The following DGKQ variants were observed in gnomAD, a reference collection of about 807,000 sequenced individuals.
DGKQ encodes DAG kinase theta.
In DGKQ, 97 loss-of-function variants were observed where a neutral mutation model predicts 104.2. The ratio of observed to expected loss-of-function variants is 0.93; its 90% CI spans 0.79 to 1.10. The LOEUF (loss-of-function observed/expected upper bound fraction) is 1.10. Ranked by LOEUF, DGKQ falls within the 50% of genes least tolerant of loss-of-function variation. The pLI is 0.00. For missense variants in DGKQ, 1,465 were observed against 1,352.1 expected (o/e 1.08, Z -1.31); for synonymous variants, 736 against 595.2 (o/e 1.24, Z -3.44).
chr4:968,386 G>C lies in DGKQ; in HGVS notation c.559C>G (p.Arg187Gly). 1 of 1,567,194 alleles carries C rather than the reference G, an allele frequency of 6.4e-7. No individual in the cohort carries two copies. Among genetic ancestry groups the C allele is most frequent in the Admixed American group, 1.9e-5 (1 of 53,664 alleles). ...GCTCCCGAGGGCAGGTTCCCCTCCC[G>C]CCAGTGGTGGTGATGGGTGTCCTGC... The part of the protein sequence containing the change: ...QDHDTHHHHW[R>G]EGNLPSGARC... The change falls in exon 5 of 23, where the codon CGG (arginine) becomes GGG (glycine). Residue 187 changes from arginine to glycine, a missense_variant. Coordinates refer to ENST00000273814, the MANE Select transcript of DGKQ (RefSeq NM_001347.4).
chr4:966,748 C>T lies in DGKQ; in HGVS notation c.1366G>A (p.Val456Ile), dbSNP rs369775685. The change falls in exon 11 of 23, where the codon GTC becomes ATC. Residue 456 changes from valine to isoleucine, a missense_variant and splice_region_variant. Transcript: ENST00000273814. ...CGCCCAGCACGGGCTGTCTACTCAC[C>T]GTGCCTGCAGCCCATCGCCACCTCC... ...LVEVAMGCRHVQRTMLMDEQP... is the reference protein window; with the variant it reads ...LVEVAMGCRHIQRTMLMDEQP... The T allele has an allele frequency of 1.1e-4, 174 of 1,607,010 alleles. 1 individual carries two copies. The South Asian group carries it at 1.3e-3, about 12-fold the overall frequency.
rs1033824017 is a variant in DGKQ at position 968,416 on chromosome 4, C to T, written c.538-9G>A. 6.3e-5 allele frequency: 100 copies of T among 1,582,610 alleles called. No individual in the cohort carries two copies. Among genetic ancestry groups the T allele is most frequent in the Non-Finnish European group, 7.5e-5 (87 of 1,165,440 alleles). ...TGGTGGTGATGGGTGTCCTGCAGAG[C>T]GGGGGCAGTCAGCAGCTGGGCCCGC... On this transcript the variant is annotated splice_polypyrimidine_tract_variant and intron_variant, in intron 4 of 22. Transcript: ENST00000273814.
chr4:962,198 C>A, intron 18 of DGKQ, 116 bp from the exon 19 acceptor site: 1 of 1,012,816 alleles, frequency 9.9e-7, no homozygotes. Flanking sequence ...GGCACCAAGC[C>A]GAGCACCCAG....
Position 971,000 on chromosome 4 carries a change from A to G in DGKQ, c.344T>C (p.Leu115Pro). 6.4e-7 allele frequency: 1 copy of G among 1,551,504 alleles called. No homozygotes were observed. The highest frequency in any genetic ancestry group is 8.7e-7 in the Non-Finnish European group (1 of 1,147,606). Residue 115 changes from leucine (L) to proline (P), a missense_variant, in exon 2 of 23, where the codon CTG becomes CCG. By Grantham distance (98) the Leu-to-Pro change is moderately conservative. Coordinates refer to ENST00000273814, the MANE Select transcript of DGKQ (RefSeq NM_001347.4). ...ACCCAGCCCCACACTCACCCGGACC[A>G]GGCTGGGTGCCACACTCGTGCACGG... is the stretch of plus-strand genomic sequence containing the variant. ...RIPCTSVAPS[L>P]VRVPVAHCFG...
Position 967,141 on chromosome 4 carries a change from G to C in DGKQ, c.1208C>G (p.Pro403Arg). ...GGCCCAGTCTCACTTGAGCCAGCCA[G>C]GGTAGATCTTCAGGACCTCCTGGGC... ...PRAQEVLKIYPGWLKVGVAYV... is the reference protein window; with the variant it reads ...PRAQEVLKIYRGWLKVGVAYV... Residue 403 changes from proline to arginine, a missense_variant, in exon 9 of 23, where the codon CCT (proline) becomes CGT (arginine). Coordinates refer to ENST00000273814, the MANE Select transcript of DGKQ (RefSeq NM_001347.4). 1 of 1,594,424 alleles carries C rather than the reference G, an allele frequency of 6.3e-7. No individual in the cohort carries two copies. The highest frequency in any genetic ancestry group is 1.1e-5 in the South Asian group (1 of 87,760).
rs548721273 is a variant in DGKQ, at chr4:962,041, C to T, written c.2256G>A (p.Ala752=). ...CCTGGTGGAAGTCCAGGCTCAGCTC[C>T]GCGTCGATGCCAATGCCACAGTAGT... ...MSNYCGIGID[A]ELSLDFHQAR... Residue 752 remains alanine, a synonymous_variant, in exon 19 of 23, where the codon GCG becomes GCA. Transcript: ENST00000273814. The T allele has an allele frequency of 1.5e-5, 25 of 1,613,000 alleles. No individual in the cohort carries two copies. Among genetic ancestry groups the T allele is most frequent in the East Asian group, 6.7e-5 (3 of 44,880 alleles).
At chr4:968,151 C>T in intron 5 of DGKQ, 124 bp from the exon 6 acceptor site, 2 of 846,282 alleles carry the variant, frequency 2.4e-6, no homozygotes, top group Non-Finnish European at 3.4e-6. Flanking sequence ...TTCCTGCCGC[C>T]CGCCCCCGAG....
intron 15 of DGKQ, among the ~76,000 whole-genome samples, chr4:964,963 C>T (rs554373498): frequency 2.0e-5 from 3 of 152,248 alleles, no homozygotes; most frequent in East Asian, 3.9e-4. Context: ...GACCCTCTGA[C>T]CTCAGGCCCC....
intron 1 of DGKQ, 151 bp downstream of exon 1, chr4:973,061 C>T (rs1713060634): frequency 1.6e-6 from 2 of 1,263,012 alleles, no homozygotes; most frequent in Non-Finnish European, 2.0e-6. Flanking sequence ...GCGCACAGGC[C>T]CCGGCCGCCC....
At chr4:972,673 G>A (rs1246712285) in intron 1 of DGKQ, among the ~76,000 whole-genome samples, 6 of 150,768 alleles carry the variant, frequency 4.0e-5, no homozygotes, top group African/African-American at 1.2e-4. Context: ...TGCTTGCCGC[G>A]GGGGAAGATG....
At chr4:967,526 A>G (rs964074832) in intron 8 of DGKQ, 23 bp downstream of exon 8, 1 of 1,602,088 alleles carries the variant, frequency 6.2e-7, no homozygotes, top group Non-Finnish European at 8.5e-7. Context: ...GGGGGCTCAG[A>G]CCTCCCCCAG....
rs72501959 is a variant in DGKQ at position 969,283 on chromosome 4, C to T, written c.352-373G>A. Among the ~76,000 whole-genome samples the T allele has an allele frequency of 1.3e-5, 2 of 152,248 alleles. 1 individual carries two copies. The highest frequency in any genetic ancestry group is 4.1e-4 in the South Asian group (2 of 4,826). ...GGGGAGCGAGGCCCGCCTGCCACCC[C>T]TTCCCTCCTTGGGGCAGGCGAGGCT... On this transcript the variant is annotated intron_variant, in intron 2 of 22. Coordinates refer to ENST00000273814, the MANE Select transcript of DGKQ (RefSeq NM_001347.4).
intron 4 of DGKQ, 28 bp from the exon 5 acceptor site, chr4:968,435 G>T: frequency 6.3e-7 from 1 of 1,583,754 alleles, no homozygotes; most frequent in East Asian, 2.3e-5. Flanking sequence ...TCAGCAGCTG[G>T]GCCCGCCCCA....
intron 15 of DGKQ, among the ~76,000 whole-genome samples, chr4:964,893 C>T (rs1258760765): frequency 2.0e-5 from 3 of 152,310 alleles, no homozygotes; most frequent in Middle Eastern, 3.4e-3. Flanking sequence ...GAAGCTGGGC[C>T]TGACCCCACG....
At chr4:965,008 G>A (rs1193037758) in intron 15 of DGKQ, among the ~76,000 whole-genome samples, 168 bp downstream of exon 15, 2 of 152,200 alleles carry the variant, frequency 1.3e-5, no homozygotes, top group East Asian at 3.9e-4. Context: ...CCTTCCTGCT[G>A]TTGTGAGGCA....
intron 2 of DGKQ, among the ~76,000 whole-genome samples, chr4:970,497 C>G (rs569419487): frequency 4.6e-5 from 7 of 152,352 alleles, no homozygotes; most frequent in Admixed American, 4.6e-4. Flanking sequence ...CCTCAGGCAC[C>G]CAGGCTTCCT....
Position 971,325 on chromosome 4 carries a change from T to C in DGKQ, c.272-253A>G, listed in dbSNP as rs1043841116. ...GTGTATCCTCTCATCCAGAGAGCAGTCCCTCCCCTTCGCACGTAGGCCCAG... is the reference window on the plus strand; with the variant it reads ...GTGTATCCTCTCATCCAGAGAGCAGCCCCTCCCCTTCGCACGTAGGCCCAG... On this transcript the variant is annotated intron_variant, in intron 1 of 22. Transcript: ENST00000273814. The surrounding 1 kb of genome is among the most constrained non-coding windows in gnomAD (Gnocchi z 4.0). Among the ~76,000 whole-genome samples the C allele has an allele frequency of 2.0e-5, 3 of 152,090 alleles. No individual in the cohort carries two copies. The highest frequency in any genetic ancestry group is 2.9e-5 in the Non-Finnish European group (2 of 67,998).
At chr4:966,422 G>A (rs775030659) in intron 12 of DGKQ, 44 bp downstream of exon 12, 4 of 1,600,718 alleles carry the variant, frequency 2.5e-6, no homozygotes, top group South Asian at 1.1e-5. Context: ...GGCTGTGGCT[G>A]AGGGCTGCTG....
At chr4:968,944 A>G in intron 2 of DGKQ, 34 bp from the exon 3 acceptor site, 1 of 1,442,812 alleles carries the variant, frequency 6.9e-7, no homozygotes, top group Non-Finnish European at 9.5e-7. Context: ...CACCCTTGGT[A>G]AGGGCAACAG....
Sources: allele counts gnomAD v4.1 joint callset (sites outside exome capture counted in the v4.1 genomes callset), GRCh38; gene constraint gnomAD v4.1.1; non-coding constraint Gnocchi (gnomAD v3.1); transcripts MANE v1.5; gene names NCBI Gene and HGNC (gene_info 2026-07-23, HGNC 2026-07-21).